FOXP1: variants seen among roughly 807,000 people sequenced by gnomAD.
FOXP1 encodes forkhead box protein P1.
Under a neutral mutation model 98.2 loss-of-function variants are expected in FOXP1, and 15 were observed. The observed-to-expected ratio is 0.15, with a 90% CI of 0.10 to 0.24. The LOEUF is 0.24. FOXP1 is among the 10% of genes least tolerant of loss of function. The probability of loss-of-function intolerance (pLI) is 1.00; values close to 1 mark genes in which losing one functional copy is unlikely to be tolerated. For missense variants in FOXP1, 633 were observed against 848.5 expected (o/e 0.75, Z 3.15); for synonymous variants, 371 against 314.5 (o/e 1.18, Z -1.90).
intron 2 of FOXP1, among the ~76,000 whole-genome samples, chr3:71,496,468 C>T (rs909940979): frequency 7.9e-5 from 12 of 152,040 alleles, no homozygotes; most frequent in Middle Eastern, 3.2e-3. Flanking sequence ...GTGGGAGTTT[C>T]GTTTTCATTC....
chr3:71,483,927 C>A (rs970848730), intron 3 of FOXP1, among the ~76,000 whole-genome samples: 3 of 152,124 alleles, frequency 2.0e-5, no homozygotes, highest in Admixed American at 1.3e-4. Context: ...ATTAAAAGCT[C>A]ATTTTTTTGT....
At position 70,958,804 on chromosome 3, in the gene FOXP1, G is replaced by T; in HGVS notation, c.*443C>A. On this transcript the variant is annotated 3_prime_UTR_variant, in exon 21 of 21. Coordinates refer to ENST00000649528, the MANE Select transcript of FOXP1 (RefSeq NM_001349338.3). ...AGTGATAATCAACATGCAGTACTGT[G>T]CAAATAGGTCGTCCATTGGAATCCT... 3.2e-6 allele frequency: 1 copy of T among 314,080 alleles called. No homozygotes were observed. Among genetic ancestry groups the T allele is most frequent in the East Asian group, 5.5e-5 (1 of 18,154 alleles). The allele number at this position is 314,080 out of a possible 1,614,324, so 19.5% of individuals were successfully genotyped here.
intron 3 of FOXP1, among the ~76,000 whole-genome samples, chr3:71,371,376 A>G (rs1156950065): frequency 6.6e-6 from 1 of 152,142 alleles, no homozygotes; most frequent in Non-Finnish European, 1.5e-5. Context: ...CCTCTCCCCC[A>G]AAGAAGCCTA....
intron 3 of FOXP1, among the ~76,000 whole-genome samples, chr3:71,491,162 C>T (rs2091034518): frequency 6.6e-6 from 1 of 152,126 alleles, no homozygotes; most frequent in South Asian, 2.1e-4. Flanking sequence ...AGTACAGGCA[C>T]CCACCACCAC....
At chr3:71,219,968 C>G (rs1337497522) in intron 5 of FOXP1, among the ~76,000 whole-genome samples, 2 of 152,198 alleles carry the variant, frequency 1.3e-5, no homozygotes, top group African/African-American at 4.8e-5. Context: ...CTTTCTGTCT[C>G]TACCTCTCCG....
In FOXP1 at chr3:70,982,048, G is replaced by C. The variant is rs79241387; in HGVS notation, c.1147-4019C>G. Among the ~76,000 whole-genome samples the C allele has an allele frequency of 5.5e-3, 839 of 152,300 alleles. 23 individuals carry two copies. In the East Asian group the frequency reaches 0.091, roughly 16 times the overall value. On this transcript the variant is annotated intron_variant, in intron 14 of 20. Transcript: ENST00000649528. ...GATGATCACATGCTTGTCTGGAGGA[G>C]AAACCATCTTCGAAAGGGAAGGTTG...
At chr3:71,051,530 A>T (rs995914463) in intron 9 of FOXP1, among the ~76,000 whole-genome samples, 8 of 152,038 alleles carry the variant, frequency 5.3e-5, no homozygotes, top group African/African-American at 1.4e-4. Context: ...ACCTGGTAAG[A>T]CTCCCTGCAA....
At chr3:70,980,089 T>C (rs978857234) in intron 14 of FOXP1, among the ~76,000 whole-genome samples, 4 of 152,184 alleles carry the variant, frequency 2.6e-5, no homozygotes, top group Non-Finnish European at 5.9e-5. Context: ...GGTTTTTCTC[T>C]ATAATGTTGG....
chr3:71,424,597 G>A (rs1183778572), intron 3 of FOXP1, among the ~76,000 whole-genome samples: 1 of 152,160 alleles, frequency 6.6e-6, no homozygotes, highest in African/African-American at 2.4e-5. Flanking sequence ...TTCCAGAGGT[G>A]TATTAATCAA....
chr3:71,361,810 G>A (rs1022451202), intron 3 of FOXP1, among the ~76,000 whole-genome samples: 3 of 152,172 alleles, frequency 2.0e-5, no homozygotes, highest in African/African-American at 7.2e-5. Flanking sequence ...AGACTAACCA[G>A]CGCTTAGCTT....
chr3:71,014,593 G>A (rs1204506703), intron 12 of FOXP1, among the ~76,000 whole-genome samples: 1 of 152,078 alleles, frequency 6.6e-6, no homozygotes, highest in Admixed American at 6.6e-5. Flanking sequence ...GCGATTCCTC[G>A]AGGATCTAAA....
chr3:71,496,739 G>A (rs888671555), intron 2 of FOXP1, among the ~76,000 whole-genome samples: 1 of 151,126 alleles, frequency 6.6e-6, no homozygotes, highest in Admixed American at 6.6e-5. Context: ...CCAGGGAGTC[G>A]GAAGTTGCAG....
At chr3:71,011,613 T>A (rs770062980) in intron 12 of FOXP1, among the ~76,000 whole-genome samples, 10 of 152,300 alleles carry the variant, frequency 6.6e-5, no homozygotes, top group Middle Eastern at 3.4e-3. Flanking sequence ...CTCATTTATT[T>A]ATTTATTTTT....
chr3:71,226,601 C>A lies in FOXP1; in HGVS notation c.-11-28209G>T, dbSNP rs189906820. ...TCTCTCCCTCTCACTCCCTCCCTACCCCCTTCTGCATCTCATTCTGGCTCA... is the reference window on the plus strand; with the variant it reads ...TCTCTCCCTCTCACTCCCTCCCTACACCCTTCTGCATCTCATTCTGGCTCA... On this transcript the variant is annotated intron_variant, in intron 5 of 20. Coordinates refer to ENST00000649528, the MANE Select transcript of FOXP1 (RefSeq NM_001349338.3). 2.6e-4 allele frequency among the ~76,000 whole-genome samples: 40 copies of A among 152,016 alleles called. No individual in the cohort carries two copies. The East Asian group carries it at 7.6e-3, about 29-fold the overall frequency.
chr3:71,265,102 A>C (rs946234789), intron 5 of FOXP1, among the ~76,000 whole-genome samples: 2 of 152,154 alleles, frequency 1.3e-5, no homozygotes, highest in Non-Finnish European at 2.9e-5. Context: ...CTCTAATTCC[A>C]GGAATCTATA....
intron 7 of FOXP1, among the ~76,000 whole-genome samples, chr3:71,098,656 CAGTT>C (rs2056694267): frequency 6.6e-6 from 1 of 152,170 alleles, no homozygotes; most frequent in African/African-American, 2.4e-5. Flanking sequence ...ATTCATCACT[CAGTT>C]ATTCACTAAC....
intron 4 of FOXP1, among the ~76,000 whole-genome samples, chr3:71,308,738 A>G (rs2074457904): frequency 7.0e-6 from 1 of 143,752 alleles, no homozygotes; most frequent in Non-Finnish European, 1.5e-5. Flanking sequence ...ATTATGAAGC[A>G]TTCTACCACA....
At chr3:71,054,454 T>A in intron 7 of FOXP1, among the ~76,000 whole-genome samples, 1 of 152,226 alleles carries the variant, frequency 6.6e-6, no homozygotes, top group East Asian at 1.9e-4. Context: ...TGTTAACACG[T>A]TTCTGCACGG....
intron 10 of FOXP1, among the ~76,000 whole-genome samples, chr3:71,042,646 G>C (rs1450365509): frequency 6.6e-6 from 1 of 152,160 alleles, no homozygotes; most frequent in Non-Finnish European, 1.5e-5. Context: ...TCAATCAAGT[G>C]TAACACAGCC....
Sources: allele counts gnomAD v4.1 joint callset (sites outside exome capture counted in the v4.1 genomes callset), GRCh38; gene constraint gnomAD v4.1.1; transcripts MANE v1.5; gene names NCBI Gene and HGNC (gene_info 2026-07-23, HGNC 2026-07-21).